Variants in EHBP1 observed in about 807,000 individuals in gnomAD.
EHBP1 encodes the protein EH domain binding protein 1.
A neutral mutation model predicts 144.0 loss-of-function variants in EHBP1; 55 were observed. The ratio of observed to expected loss-of-function variants is 0.38; its 90% confidence interval spans 0.31 to 0.48. EHBP1 has a LOEUF of 0.48. EHBP1 is among the 20% of genes least tolerant of loss of function. EHBP1 has a pLI of 0.98. For missense variants in EHBP1, 1,200 were observed against 1,364.2 expected, an observed-to-expected ratio of 0.88 and a Z score of 1.90; for synonymous variants, 469 against 472.7, an observed-to-expected ratio of 0.99 and a Z score of 0.10.
chr2:63,034,939 A>C (rs1177041970), intron 19 of EHBP1, among the ~76,000 whole-genome samples: 1 of 152,090 alleles, frequency 6.6e-6, no homozygotes, highest in Non-Finnish European at 1.5e-5. Flanking sequence ...TCTGCCCTTT[A>C]AAAGTCTGAT....
chr2:62,812,424 A>T (rs1247869387), intron 5 of EHBP1, among the ~76,000 whole-genome samples: 1 of 152,202 alleles, frequency 6.6e-6, no homozygotes, highest in Non-Finnish European at 1.5e-5. Flanking sequence ...AGGCTAAAAA[A>T]TGCCTAGATT....
intron 2 of EHBP1, among the ~76,000 whole-genome samples, chr2:62,747,130 C>G (rs933683715): frequency 1.3e-5 from 2 of 151,844 alleles, no homozygotes; most frequent in Non-Finnish European, 2.9e-5. Context: ...TAAAATAGAC[C>G]AGTTCTAAAT....
intron 10 of EHBP1, among the ~76,000 whole-genome samples, chr2:62,901,525 A>T (rs1005794309): frequency 6.6e-6 from 1 of 152,164 alleles, no homozygotes; most frequent in African/African-American, 2.4e-5. Flanking sequence ...TAATTTAAAA[A>T]GTTGGAGATG....
chr2:62,676,844 A>C (rs1298359211), intron 1 of EHBP1, among the ~76,000 whole-genome samples: 1 of 152,214 alleles, frequency 6.6e-6, no homozygotes, highest in Admixed American at 6.5e-5. Context: ...AGTTCTTAAC[A>C]TGAGCATAAG....
At chr2:62,799,945 G>T (rs1429004081) in intron 5 of EHBP1, among the ~76,000 whole-genome samples, 1 of 152,200 alleles carries the variant, frequency 6.6e-6, no homozygotes, top group Admixed American at 6.5e-5. Flanking sequence ...TTTAGAGACT[G>T]TCACATTCAA....
At position 62,951,544 on chromosome 2, in the gene EHBP1, G is replaced by T. The variant is rs1011190360; in HGVS notation, c.2316+2382G>T. 3.0e-3 allele frequency among the ~76,000 whole-genome samples: 427 copies of T among 140,800 alleles called. 3 individuals are homozygous for T. The highest frequency in any genetic ancestry group is 8.9e-3 in the African/African-American group (345 of 38,574). The allele number at this position is 140,800 out of a possible 152,430, so 92.4% of individuals were successfully genotyped here. ...TCTTTTTTTTTTTTTTGGGGGGGGG[G>T]GGTGGAGTCTTGCCCTGTCACCCAG... On this transcript the variant is annotated intron_variant, in intron 13 of 22. Coordinates refer to ENST00000431489, the MANE Select transcript of EHBP1 (RefSeq NM_001142616.3).
chr2:63,043,814 G>A (rs1238887472), intron 21 of EHBP1: 1 of 151,228 alleles, frequency 6.6e-6, no homozygotes, highest in Non-Finnish European at 1.5e-5. Context: ...GATTGCCCAG[G>A]GCAATGGAGA....
chr2:62,961,545 G>A (rs1332705490), intron 14 of EHBP1, among the ~76,000 whole-genome samples: 1 of 151,970 alleles, frequency 6.6e-6, no homozygotes, highest in East Asian at 1.9e-4. Context: ...TTCCACATGT[G>A]CTTTAAATGA....
At chr2:62,858,742 A>T (rs185498666) in intron 7 of EHBP1, among the ~76,000 whole-genome samples, 1 of 152,346 alleles carries the variant, frequency 6.6e-6, no homozygotes, top group Admixed American at 6.5e-5. Context: ...ATTTTCTAAG[A>T]TAATACTTGG....
At chr2:62,911,496 C>T (rs2054213318) in intron 10 of EHBP1, among the ~76,000 whole-genome samples, 1 of 152,154 alleles carries the variant, frequency 6.6e-6, no homozygotes, top group Non-Finnish European at 1.5e-5. Context: ...GAGTCTCACT[C>T]TATCGCCCAG....
intron 14 of EHBP1, among the ~76,000 whole-genome samples, chr2:62,966,345 C>G (rs1170837842): frequency 6.6e-6 from 1 of 152,148 alleles, no homozygotes; most frequent in East Asian, 1.9e-4. Context: ...GGTCTTAGCA[C>G]TAATGAGAGC....
At chr2:62,765,551 C>A (rs1046990124) in intron 4 of EHBP1, among the ~76,000 whole-genome samples, 2 of 152,094 alleles carry the variant, frequency 1.3e-5, no homozygotes, top group African/African-American at 4.8e-5. Context: ...AGACCTGGAA[C>A]AGCAACATAG....
intron 3 of EHBP1, among the ~76,000 whole-genome samples, chr2:62,754,506 C>G (rs1004973324): frequency 6.6e-6 from 1 of 152,210 alleles, no homozygotes; most frequent in Non-Finnish European, 1.5e-5. Flanking sequence ...AGAACCACTA[C>G]TCTCTTCAAA....
At chr2:62,734,144 T>A (rs2037878268) in intron 2 of EHBP1, among the ~76,000 whole-genome samples, 1 of 152,264 alleles carries the variant, frequency 6.6e-6, no homozygotes, top group South Asian at 2.1e-4. Context: ...ATATTGCAAA[T>A]AGTTTTTCCC....
At chr2:62,814,170 A>G (rs1210919979) in intron 5 of EHBP1, among the ~76,000 whole-genome samples, 1 of 152,240 alleles carries the variant, frequency 6.6e-6, no homozygotes, top group Non-Finnish European at 1.5e-5. Context: ...GAACTGTATG[A>G]GGTGAATAGA....
At chr2:62,874,619 T>G in intron 10 of EHBP1, 87 bp downstream of exon 10, 3 of 1,205,242 alleles carry the variant, frequency 2.5e-6, no homozygotes, top group Middle Eastern at 2.3e-4. Context: ...AAGTAATTTT[T>G]GGCTATTTTT....
At chr2:62,859,134 C>T in intron 7 of EHBP1, 35 bp from the exon 8 acceptor site, 1 of 1,568,078 alleles carries the variant, frequency 6.4e-7, no homozygotes, top group Non-Finnish European at 8.7e-7. Flanking sequence ...TACACTTAAC[C>T]ATAATAGGGA....
intron 7 of EHBP1, among the ~76,000 whole-genome samples, chr2:62,846,050 C>T (rs2048271783): frequency 6.6e-6 from 1 of 152,118 alleles, no homozygotes; most frequent in Non-Finnish European, 1.5e-5. Context: ...AGTCTTAGAA[C>T]TCAAATATGT....
At position 63,014,448 on chromosome 2, in the gene EHBP1, TAAC is replaced by T. The variant is rs1464667928; in HGVS notation, c.3103+17687_3103+17689del. Among the ~76,000 whole-genome samples the T allele has an allele frequency of 2.6e-5, 4 of 152,350 alleles. No homozygotes were observed. In the East Asian group the frequency reaches 7.7e-4, roughly 29 times the overall value. On this transcript the variant is annotated intron_variant, in intron 19 of 22. Coordinates refer to ENST00000431489, the MANE Select transcript of EHBP1 (RefSeq NM_001142616.3). ...ATTACATACTTGTTTAGGGCATAAA[TAAC>T]AACATAAATTTAAGATTATCTGCAT...
Sources: allele counts gnomAD v4.1 joint callset (sites outside exome capture counted in the v4.1 genomes callset), GRCh38; gene constraint gnomAD v4.1.1; transcripts MANE v1.5; gene names NCBI Gene and HGNC (gene_info 2026-07-23, HGNC 2026-07-21).